The following ZNF124 variants were observed in gnomAD, a reference collection of about 807,000 sequenced individuals.
ZNF124 encodes zinc finger protein 124, also known as zinc finger protein HZF-16.
In ZNF124, 25 loss-of-function variants were observed where a neutral mutation model predicts 26.6. The ratio of observed to expected loss-of-function variants is 0.94; its 90% confidence interval spans 0.68 to 1.31. ZNF124 has a LOEUF of 1.31. Among genes scored for constraint, ZNF124 ranks in the 40% most tolerant of loss-of-function variants. ZNF124 has a pLI of 0.00. For missense variants in ZNF124, 444 were observed against 422.2 expected, an observed-to-expected ratio of 1.05 and a Z score of -0.45; for synonymous variants, 129 against 133.3, an observed-to-expected ratio of 0.97 and a Z score of 0.22.
downstream of ZNF124, among the ~76,000 whole-genome samples, chr1:247,152,426 G>A (rs148517909): frequency 2.5e-3 from 372 of 151,684 alleles, 1 homozygote; most frequent in African/African-American, 8.2e-3. Flanking sequence ...TATTGTGAAC[G>A]CAGCAACGCA....
intron 3 of ZNF124, among the ~76,000 whole-genome samples, chr1:247,146,068 C>T (rs1672770333): frequency 6.6e-6 from 1 of 152,184 alleles, no homozygotes; most frequent in Non-Finnish European, 1.5e-5. Flanking sequence ...AGCAATGACC[C>T]TGAGTTCTGA....
intron 3 of ZNF124, among the ~76,000 whole-genome samples, chr1:247,142,586 T>C (rs575218220): frequency 6.6e-6 from 1 of 152,350 alleles, no homozygotes; most frequent in South Asian, 2.1e-4. Flanking sequence ...CCTCAGAAGA[T>C]TGATATTCAC....
chr1:247,137,487 CAAAAAAAA>C lies in ZNF124; in HGVS notation c.219-13624_219-13617del, dbSNP rs56926662. ...CGAAACCCTGTCTCTACTAAAAATA[CAAAAAAAA>C]AAAAAAAAAAAAAAAGAAAGAAAAC... On this transcript the variant is annotated intron_variant, in intron 3 of 3. Coordinates refer to the ZNF124 transcript ENST00000472531. Among the ~76,000 whole-genome samples, 423 of 81,614 alleles carry C rather than the reference CAAAAAAAA, an allele frequency of 5.2e-3. 3 individuals carry two copies. Among genetic ancestry groups the C allele is most frequent in the African/African-American group, 0.016 (354 of 22,654 alleles). 53.5% of individuals were successfully genotyped at this position (81,614 alleles called of 152,430 possible).
intron 1 of ZNF124, among the ~76,000 whole-genome samples, chr1:247,169,025 AAT>A (rs539142765): frequency 1.9e-3 from 296 of 151,886 alleles, no homozygotes; most frequent in African/African-American, 6.9e-3. Flanking sequence ...TAAAAAACTA[AAT>A]ATATATATAA....
rs1673904097 is a variant in ZNF124, at chr1:247,168,457, C to T, written c.30+3391G>A. Among the ~76,000 whole-genome samples the T allele has an allele frequency of 6.6e-6, 1 of 152,242 alleles. No homozygotes were observed. The highest frequency in any genetic ancestry group is 1.5e-5 in the Non-Finnish European group (1 of 68,042). On this transcript the variant is annotated intron_variant, in intron 1 of 3. Coordinates refer to ENST00000543802, the MANE Select transcript of ZNF124 (RefSeq NM_001297568.2). This position sits in a 1 kb window ranked among gnomAD's most constrained non-coding sequence, Gnocchi z 4.0. The stretch of plus-strand genomic sequence containing the variant: ...CTAAGGCATGAGAATCCCTTGAACC[C>T]AGGCGACGGAAGGTTGTAGTGAGCC...
In ZNF124 at chr1:247,159,986, T is replaced by G. The variant is rs989127036; in HGVS notation, c.31-173A>C. ...TTCTCCCACATAGCAGTTCTTTTTT[T>G]TTTTTTTTTTTTTTTTTTGAGACGG... is the stretch of plus-strand genomic sequence containing the variant. On this transcript the variant is annotated intron_variant, in intron 1 of 3. Transcript: ENST00000543802. 5.4e-4 allele frequency: 309 copies of G among 574,984 alleles called. 2 individuals are homozygous for G. Among genetic ancestry groups the G allele is most frequent in the Admixed American group, 1.9e-3 (35 of 18,428 alleles). The allele number at this position is 574,984 out of a possible 1,614,324, so 35.6% of individuals were successfully genotyped here. A position where few individuals can be genotyped will look rare whatever the true frequency, so the allele number is the denominator to read the frequency against.
At chr1:247,141,407 T>G (rs76013141) in intron 3 of ZNF124, among the ~76,000 whole-genome samples, 2,222 of 152,188 alleles carry the variant, frequency 0.015, 50 homozygotes, top group African/African-American at 0.05. Flanking sequence ...GCACCTGCAC[T>G]GCTGGCATAA....
chr1:247,169,582 A>C (rs540862272), intron 1 of ZNF124, among the ~76,000 whole-genome samples: 1 of 151,520 alleles, frequency 6.6e-6, no homozygotes, highest in East Asian at 1.9e-4. Context: ...CTCAATGCCC[A>C]CCCTCCCCCA....
At chr1:247,132,769 T>C (rs6692759) in intron 3 of ZNF124, among the ~76,000 whole-genome samples, 7,740 of 152,314 alleles carry the variant, frequency 0.051, 239 homozygotes, top group African/African-American at 0.078. Flanking sequence ...ATCCCTGTCC[T>C]GTTCTGTTCC....
chr1:247,157,943 C>T (rs904392394), intron 3 of ZNF124, among the ~76,000 whole-genome samples: 5 of 141,654 alleles, frequency 3.5e-5, no homozygotes, highest in African/African-American at 1.1e-4. Flanking sequence ...CTGAAAGATC[C>T]GATTGTTAAA....
At chr1:247,124,492 C>T (rs1015787054) in intron 3 of ZNF124, among the ~76,000 whole-genome samples, 13 of 152,164 alleles carry the variant, frequency 8.5e-5, no homozygotes, top group African/African-American at 2.7e-4. Flanking sequence ...TGAGCCACCA[C>T]GCCCGGCTCT....
rs1467579087 is a variant in ZNF124 at position 247,156,944 on chromosome 1, T to C, written c.678A>G (p.Arg226=). The C allele has an allele frequency of 6.2e-7, 1 of 1,613,326 alleles. No homozygotes were observed. The highest frequency in any genetic ancestry group is 8.5e-7 in the Non-Finnish European group (1 of 1,179,538). ...RYSNCLHYHE[R]THTGEKPYVC... ...CATAAGGTTTCTCTCCAGTGTGAGT[T>C]CTTTCATGGTAATGAAGGCAATTGG... Residue 226 remains arginine, a synonymous_variant, in exon 4 of 4, where the codon AGA becomes AGG. Coordinates refer to ENST00000543802, the MANE Select transcript of ZNF124 (RefSeq NM_001297568.2).
intron 3 of ZNF124, among the ~76,000 whole-genome samples, chr1:247,136,682 C>T (rs906746259): frequency 5.3e-5 from 8 of 152,172 alleles, no homozygotes; most frequent in Non-Finnish European, 1.0e-4. Flanking sequence ...CACAGTGGCT[C>T]ATGCTTGTAA....
downstream of ZNF124, among the ~76,000 whole-genome samples, chr1:247,154,102 T>C (rs1003332810): frequency 7.6e-6 from 1 of 131,042 alleles, no homozygotes; most frequent in Admixed American, 7.2e-5. Flanking sequence ...TGTCTCCTTG[T>C]ACACGCATAT....
intron 3 of ZNF124, among the ~76,000 whole-genome samples, chr1:247,140,633 C>G (rs1672602975): frequency 6.7e-6 from 1 of 150,308 alleles, no homozygotes; most frequent in South Asian, 2.1e-4. Flanking sequence ...TGAGTACAGT[C>G]AGTACACTTT....
chr1:247,125,430 CTTTTTTTTTTTTTTTTTTT>C (rs71566695), intron 3 of ZNF124, among the ~76,000 whole-genome samples: 6 of 43,298 alleles, frequency 1.4e-4, no homozygotes, highest in African/African-American at 4.1e-4. Context: ...CTGTTTTTGT[CTTTTTTTTTTTTTTTTTTT>C]TTTTTTTTTT....
Position 247,155,950 on chromosome 1 carries a change from AC to A in ZNF124, c.*615del. On this transcript the variant is annotated 3_prime_UTR_variant, in exon 4 of 4. Transcript: ENST00000543802. ...TAGAGACTCTCTTCAAAAATGAGCA[AC>A]CAATATATTCAATTTATTTATAGCT... 1.1e-6 allele frequency: 1 copy of A among 943,464 alleles called. No individual in the cohort carries two copies. Among genetic ancestry groups the A allele is most frequent in the Non-Finnish European group, 1.3e-6 (1 of 791,998 alleles). 58.4% of individuals were successfully genotyped at this position (943,464 alleles called of 1,614,324 possible).
downstream of ZNF124, among the ~76,000 whole-genome samples, chr1:247,151,708 G>A (rs542097865): frequency 5.3e-5 from 8 of 152,012 alleles, 1 homozygote; most frequent in Admixed American, 4.6e-4. Flanking sequence ...ACATTTTCTG[G>A]AATTTACATA....
At chr1:247,151,196 TG>T (rs1672925228), downstream of ZNF124, among the ~76,000 whole-genome samples, 1 of 152,088 alleles carries the variant, frequency 6.6e-6, no homozygotes. Context: ...TACCATGTGT[TG>T]GGCTGGGCGC....
Sources: allele counts gnomAD v4.1 joint callset (sites outside exome capture counted in the v4.1 genomes callset), GRCh38; gene constraint gnomAD v4.1.1; non-coding constraint Gnocchi (gnomAD v3.1); transcripts MANE v1.5; gene names NCBI Gene and HGNC (gene_info 2026-07-23, HGNC 2026-07-21).